The following SP100 variants were observed in gnomAD, a reference collection of about 807,000 sequenced individuals.
SP100 encodes nuclear autoantigen Sp-100.
In SP100, 84 loss-of-function variants were observed where a neutral mutation model predicts 130.0. That is an observed-to-expected ratio of 0.65 (90% confidence interval 0.54 to 0.77). The LOEUF is 0.77. SP100 is among the 30% of genes least tolerant of loss of function. The pLI, the probability that SP100 is intolerant of heterozygous loss-of-function variation, is 0.00. For synonymous variants in SP100, 331 were observed against 351.7 expected (o/e 0.94, Z 0.66); for missense variants, 978 against 1,052.2 (o/e 0.93, Z 0.97).
At chr2:230,462,701 A>G in intron 10 of SP100, 183 bp downstream of exon 10, 2 of 581,838 alleles carry the variant, frequency 3.4e-6, no homozygotes, top group Admixed American at 3.0e-5. Flanking sequence ...AAATTGTTAT[A>G]AACTTATTTT....
intron 21 of SP100, among the ~76,000 whole-genome samples, chr2:230,505,893 A>G (rs962066058): frequency 3.3e-4 from 51 of 152,344 alleles, no homozygotes; most frequent in African/African-American, 1.1e-3. Context: ...TTGGGGACCC[A>G]AGAGCATGGT....
intron 17 of SP100, among the ~76,000 whole-genome samples, chr2:230,492,543 C>T (rs1263470025): frequency 6.6e-6 from 1 of 152,136 alleles, no homozygotes; most frequent in East Asian, 1.9e-4. Flanking sequence ...TGGCTTCAAG[C>T]GATCTTTCCA....
intron 18 of SP100, among the ~76,000 whole-genome samples, chr2:230,498,077 G>T (rs572026107): frequency 6.6e-6 from 1 of 152,196 alleles, no homozygotes; most frequent in Non-Finnish European, 1.5e-5. Flanking sequence ...GGTAGTAAAA[G>T]TCTCTATCTC....
intron 13 of SP100, 120 bp downstream of exon 13, chr2:230,467,335 G>A: frequency 1.4e-6 from 1 of 708,768 alleles, no homozygotes; most frequent in South Asian, 1.7e-5. Context: ...TACCTCATCT[G>A]GCCATTTTGA....
intron 2 of SP100, among the ~76,000 whole-genome samples, chr2:230,441,063 C>T (rs1444276959): frequency 1.3e-5 from 2 of 151,810 alleles, no homozygotes; most frequent in African/African-American, 2.4e-5. Flanking sequence ...AAATATTCAC[C>T]ATACATAAAT....
intron 24 of SP100, among the ~76,000 whole-genome samples, chr2:230,535,271 T>C (rs1210628515): frequency 6.6e-6 from 1 of 152,212 alleles, no homozygotes; most frequent in East Asian, 1.9e-4. Flanking sequence ...AAAGGACTTT[T>C]GAATGTAGGT....
intron 24 of SP100, among the ~76,000 whole-genome samples, chr2:230,532,722 G>A (rs1467791295): frequency 6.6e-6 from 1 of 152,162 alleles, no homozygotes; most frequent in Non-Finnish European, 1.5e-5. Context: ...CTAATTAGTT[G>A]TCAGTACTAT....
At position 230,416,344 on chromosome 2, in the gene SP100, C is replaced by T. The variant is rs1265477478; in HGVS notation, c.32+16C>T. 1.2e-6 allele frequency: 2 copies of T among 1,610,602 alleles called. No individual in the cohort carries two copies. Among genetic ancestry groups the T allele is most frequent in the East Asian group, 4.5e-5 (2 of 44,852 alleles). ...TGAGCACCAGGTGAGTCTTTATCTCCCTTCCTTTAACCTTTATCTCTGGCT... is the reference window on the plus strand; with the variant it reads ...TGAGCACCAGGTGAGTCTTTATCTCTCTTCCTTTAACCTTTATCTCTGGCT... On this transcript the variant is annotated intron_variant, in intron 1 of 28. Transcript: ENST00000340126.
At position 230,487,195 on chromosome 2, in the gene SP100, T is replaced by G. The variant is rs148295084; in HGVS notation, c.1601-7221T>G. 3.8e-3 allele frequency among the ~76,000 whole-genome samples: 575 copies of G among 152,350 alleles called. 4 individuals are homozygous for G. The highest frequency in any genetic ancestry group is 0.013 in the African/African-American group (561 of 41,566). ...GTTTAATTAGATCCCATTTGTCAAT[T>G]GTTGCTTTTGTTGCAATTGCTTTTG... On this transcript the variant is annotated intron_variant, in intron 17 of 28. Transcript: ENST00000340126.
chr2:230,511,204 C>T (rs1690561508), intron 24 of SP100, 38 bp downstream of exon 24: 2 of 1,433,692 alleles, frequency 1.4e-6, no homozygotes, highest in South Asian at 2.3e-5. Flanking sequence ...CAAAATAAGT[C>T]AGGCCTTTCT....
chr2:230,421,203 A>G (rs2062757992), intron 2 of SP100, among the ~76,000 whole-genome samples: 1 of 152,058 alleles, frequency 6.6e-6, no homozygotes, highest in Admixed American at 6.5e-5. Context: ...TGTCCTCATT[A>G]TGAATTCTTC....
chr2:230,451,908 C>A (rs899935708), intron 8 of SP100, among the ~76,000 whole-genome samples: 29 of 152,116 alleles, frequency 1.9e-4, no homozygotes, highest in African/African-American at 7.0e-4. Flanking sequence ...TATCCTTTAC[C>A]CATTGCATAT....
chr2:230,437,099 T>C (rs532557962), intron 2 of SP100, among the ~76,000 whole-genome samples: 5 of 152,290 alleles, frequency 3.3e-5, no homozygotes, highest in Non-Finnish European at 5.9e-5. Context: ...TACTACAACA[T>C]TTGCTGATTT....
At chr2:230,540,765 G>C (rs1372572569) in intron 25 of SP100, 111 bp from the exon 26 acceptor site, 1 of 1,382,778 alleles carries the variant, frequency 7.2e-7, no homozygotes, top group Non-Finnish European at 9.8e-7. Context: ...AGAGAAGTTG[G>C]ATACAAGGTG....
Position 230,416,218 on chromosome 2 carries a change from C to A in SP100, c.-79C>A. ...GACTTCCTGCTTGGGGCCTGGGCAG[C>A]CACACTGCACGCAGGCTGGGCCGAC... On this transcript the variant is annotated 5_prime_UTR_variant, in exon 1 of 29. Transcript: ENST00000340126. 1 of 1,198,144 alleles carries A rather than the reference C, an allele frequency of 8.3e-7. No homozygotes were observed. The highest frequency in any genetic ancestry group is 1.2e-6 in the Non-Finnish European group (1 of 816,558). The allele number at this position is 1,198,144 out of a possible 1,614,324, so 74.2% of individuals were successfully genotyped here. A position where few individuals can be genotyped will look rare whatever the true frequency, so the allele number is the denominator to read the frequency against.
In SP100 at chr2:230,416,276, C is replaced by T. The variant is rs754770848; in HGVS notation, c.-21C>T. 4 of 1,610,622 alleles carry T rather than the reference C, an allele frequency of 2.5e-6. No individual in the cohort carries two copies. Among genetic ancestry groups the T allele is most frequent in the Admixed American group, 1.7e-5 (1 of 59,834 alleles). On this transcript the variant is annotated 5_prime_UTR_variant, in exon 1 of 29. In the 5' UTR this introduces an upstream ATG that the reference lacks. Coordinates refer to ENST00000340126, the MANE Select transcript of SP100 (RefSeq NM_001080391.2). ...CTCAGAGGCCAGGCTCTGAGGCCCACGCAGGGCCTAGGGTGGGAAGATGGC... is the reference window on the plus strand; with the variant it reads ...CTCAGAGGCCAGGCTCTGAGGCCCATGCAGGGCCTAGGGTGGGAAGATGGC...
chr2:230,501,735 G>A (rs1575758611), intron 19 of SP100, among the ~76,000 whole-genome samples: 1 of 152,204 alleles, frequency 6.6e-6, no homozygotes, highest in Admixed American at 6.5e-5. Context: ...AATGGGCACA[G>A]ACCTTAAGAA....
At chr2:230,463,741 A>G in intron 10 of SP100, 1 of 176,686 alleles carries the variant, frequency 5.7e-6, no homozygotes, top group Non-Finnish European at 1.2e-5. Flanking sequence ...CACGAATTTA[A>G]CAGAAGATCT....
intron 17 of SP100, among the ~76,000 whole-genome samples, chr2:230,479,244 G>A (rs1028505880): frequency 2.6e-5 from 4 of 152,034 alleles, no homozygotes; most frequent in East Asian, 1.9e-4. Flanking sequence ...AATACATAAC[G>A]TGAAGTTAGT....
Sources: allele counts gnomAD v4.1 joint callset (sites outside exome capture counted in the v4.1 genomes callset), GRCh38; gene constraint gnomAD v4.1.1; transcripts MANE v1.5; gene names NCBI Gene and HGNC (gene_info 2026-07-23, HGNC 2026-07-21).